Variants in SLC8A1 observed in about 807,000 individuals in gnomAD.
The protein encoded by SLC8A1 is solute carrier family 8 member A1.
A neutral mutation model predicts 68.3 loss-of-function variants in SLC8A1; 18 were observed. The observed-to-expected ratio is 0.26, with a 90% CI of 0.18 to 0.39. The LOEUF (loss-of-function observed/expected upper bound fraction) is 0.39. SLC8A1 is among the 10% of genes least tolerant of loss of function. The pLI is 1.00. For missense variants in SLC8A1, 985 were observed against 1,156.7 expected, an observed-to-expected ratio of 0.85 and a Z score of 2.15; for synonymous variants, 475 against 415.5, an observed-to-expected ratio of 1.14 and a Z score of -1.74.
intron 1 of SLC8A1, among the ~76,000 whole-genome samples, chr2:40,480,689 G>A (rs1054332838): frequency 1.3e-5 from 2 of 152,140 alleles, no homozygotes; most frequent in Non-Finnish European, 2.9e-5. Flanking sequence ...AAGGACTCAA[G>A]GACATAATTT....
intron 2 of SLC8A1, among the ~76,000 whole-genome samples, chr2:40,259,115 C>T (rs765468629): frequency 8.5e-5 from 13 of 152,194 alleles, no homozygotes; most frequent in East Asian, 1.9e-4. Flanking sequence ...CAGTCTCCAA[C>T]GTAGATTTCT....
At chr2:40,493,134 G>T (rs1705431981) in intron 1 of SLC8A1, among the ~76,000 whole-genome samples, 1 of 152,114 alleles carries the variant, frequency 6.6e-6, no homozygotes, top group Non-Finnish European at 1.5e-5. Context: ...AGAAAATGTG[G>T]CACATAAACA....
intron 1 of SLC8A1, among the ~76,000 whole-genome samples, chr2:40,461,180 T>C (rs1236393694): frequency 6.6e-6 from 1 of 152,126 alleles, no homozygotes; most frequent in Non-Finnish European, 1.5e-5. Flanking sequence ...TTCTATAAAG[T>C]CGATACTATT....
At chr2:40,460,053 C>T (rs565776128) in intron 1 of SLC8A1, among the ~76,000 whole-genome samples, 1 of 152,172 alleles carries the variant, frequency 6.6e-6, no homozygotes, top group East Asian at 1.9e-4. Context: ...TTTGCAGAGT[C>T]TTGTATACTT....
chr2:40,436,942 G>A (rs765271258), intron 1 of SLC8A1, among the ~76,000 whole-genome samples: 1 of 152,116 alleles, frequency 6.6e-6, no homozygotes, highest in Non-Finnish European at 1.5e-5. Context: ...CCTACTCAGG[G>A]CACTGATGGC....
At chr2:40,122,687 A>G (rs2148124427) in intron 7 of SLC8A1, among the ~76,000 whole-genome samples, 1 of 152,246 alleles carries the variant, frequency 6.6e-6, no homozygotes, top group African/African-American at 2.4e-5. Flanking sequence ...CCACTAACTG[A>G]CCACTCACAG....
At chr2:40,422,375 C>A (rs139909376) in intron 2 of SLC8A1, among the ~76,000 whole-genome samples, 58 of 152,266 alleles carry the variant, frequency 3.8e-4, no homozygotes, top group African/African-American at 1.3e-3. Flanking sequence ...TGCCTATAGG[C>A]AATTTTCCAC....
intron 2 of SLC8A1, among the ~76,000 whole-genome samples, chr2:40,369,921 A>G (rs1310101720): frequency 6.6e-6 from 1 of 152,136 alleles, no homozygotes; most frequent in Non-Finnish European, 1.5e-5. Context: ...GACATAATTC[A>G]AAATTTATTC....
intron 2 of SLC8A1, among the ~76,000 whole-genome samples, chr2:40,205,408 G>A (rs1215156662): frequency 1.3e-5 from 2 of 152,026 alleles, no homozygotes; most frequent in African/African-American, 4.8e-5. Context: ...GAGTTTGAAA[G>A]TCTTCTCTCG....
chr2:40,437,388 T>C (rs1272190176), intron 1 of SLC8A1, among the ~76,000 whole-genome samples: 2 of 152,102 alleles, frequency 1.3e-5, no homozygotes, highest in African/African-American at 2.4e-5. Flanking sequence ...CAAGTAAGTA[T>C]TGTAAGCACT....
intron 2 of SLC8A1, among the ~76,000 whole-genome samples, chr2:40,396,131 T>C (rs931822398): frequency 2.0e-5 from 3 of 152,170 alleles, no homozygotes; most frequent in Non-Finnish European, 4.4e-5. Flanking sequence ...TCTGTCAGGG[T>C]AACAAAAACA....
intron 2 of SLC8A1, among the ~76,000 whole-genome samples, chr2:40,224,001 G>A (rs1444321858): frequency 1.3e-5 from 2 of 152,070 alleles, no homozygotes; most frequent in African/African-American, 2.4e-5. Flanking sequence ...AATGACATAA[G>A]TAGCTATTTA....
chr2:40,149,486 G>C (rs1222320327), intron 6 of SLC8A1, among the ~76,000 whole-genome samples: 1 of 152,214 alleles, frequency 6.6e-6, no homozygotes, highest in South Asian at 2.1e-4. Context: ...TAAGACTTTA[G>C]TGAGGAGAAA....
At chr2:40,291,305 T>C (rs2192770) in intron 2 of SLC8A1, among the ~76,000 whole-genome samples, 1 of 152,106 alleles carries the variant, frequency 6.6e-6, no homozygotes, top group Non-Finnish European at 1.5e-5. Flanking sequence ...TTTGAGTTTA[T>C]GGAAGTCACT....
chr2:40,406,684 T>C (rs951232431), intron 2 of SLC8A1, among the ~76,000 whole-genome samples: 17 of 152,272 alleles, frequency 1.1e-4, no homozygotes, highest in Non-Finnish European at 1.5e-5. Flanking sequence ...AGGCTGTGTG[T>C]GCAGTGCTGA....
intron 2 of SLC8A1, among the ~76,000 whole-genome samples, chr2:40,224,742 C>G (rs533270474): frequency 6.6e-6 from 1 of 152,124 alleles, no homozygotes; most frequent in Admixed American, 6.5e-5. Flanking sequence ...ACTCCTCAAA[C>G]AGGAATATTG....
At chr2:40,444,201 C>A (rs187005263) in intron 1 of SLC8A1, among the ~76,000 whole-genome samples, 79 of 152,072 alleles carry the variant, frequency 5.2e-4, no homozygotes, top group Middle Eastern at 3.4e-3. Context: ...TAGCCAGGCA[C>A]AGTGACATAT....
At chr2:40,153,791 A>G (rs59218419) in intron 6 of SLC8A1, among the ~76,000 whole-genome samples, 5,991 of 152,294 alleles carry the variant, frequency 0.039, 411 homozygotes, top group African/African-American at 0.14. Context: ...GATGGGATTT[A>G]GTCTGGACTT....
At chr2:40,483,763 T>G (rs963924758) in intron 1 of SLC8A1, among the ~76,000 whole-genome samples, 4 of 152,204 alleles carry the variant, frequency 2.6e-5, no homozygotes, top group Non-Finnish European at 5.9e-5. Context: ...TCTTTTCTGC[T>G]GGATGGAATT....
Sources: allele counts gnomAD v4.1 joint callset (sites outside exome capture counted in the v4.1 genomes callset), GRCh38; gene constraint gnomAD v4.1.1; transcripts MANE v1.5; gene names NCBI Gene and HGNC (gene_info 2026-07-23, HGNC 2026-07-21).